ROR1: variants seen among roughly 807,000 people sequenced by gnomAD.
The protein encoded by ROR1 is ROR family WNT receptor 1, also known as inactive tyrosine-protein kinase transmembrane receptor ROR1.
Under a neutral mutation model 78.8 loss-of-function variants are expected in ROR1, and 19 were observed. The observed-to-expected ratio is 0.24, with a 90% CI of 0.17 to 0.35. The LOEUF (loss-of-function observed/expected upper bound fraction) is 0.35. ROR1 is among the 10% of genes least tolerant of loss of function. The probability of loss-of-function intolerance (pLI) is 1.00; values close to 1 mark genes in which losing one functional copy is unlikely to be tolerated. For synonymous variants in ROR1, 386 were observed against 433.6 expected, an observed-to-expected ratio of 0.89 and a Z score of 1.36; for missense variants, 917 against 1,177.8, an observed-to-expected ratio of 0.78 and a Z score of 3.24.
Position 63,774,596 on chromosome 1 carries a change from G to T in ROR1, c.91+88G>T. On this transcript the variant is annotated intron_variant, in intron 1 of 8. Transcript: ENST00000371079. This position sits in a 1 kb window ranked among gnomAD's most constrained non-coding sequence, Gnocchi z 5.7. ...GTCCAGCCGGGCGCGGGACACGCAG[G>T]AAGCGCCGCGCTGGCTCCGGGGCGC... is the stretch of plus-strand genomic sequence containing the variant. 1.4e-6 allele frequency: 1 copy of T among 704,260 alleles called. No homozygotes were observed. The allele number at this position is 704,260 out of a possible 1,614,324, so 43.6% of individuals were successfully genotyped here. A position where few individuals can be genotyped will look rare whatever the true frequency, so the allele number is the denominator to read the frequency against.
At chr1:63,852,711 C>A (rs1645122084) in intron 1 of ROR1, among the ~76,000 whole-genome samples, 1 of 152,208 alleles carries the variant, frequency 6.6e-6, no homozygotes, top group Non-Finnish European at 1.5e-5. Flanking sequence ...ATCATTTTCA[C>A]TGGGAGAGTG....
At chr1:63,851,124 C>T (rs1386590152) in intron 1 of ROR1, among the ~76,000 whole-genome samples, 2 of 152,130 alleles carry the variant, frequency 1.3e-5, no homozygotes, top group African/African-American at 4.8e-5. Context: ...GGACTATAGG[C>T]GTGTGCCACC....
intron 1 of ROR1, among the ~76,000 whole-genome samples, chr1:63,906,443 T>A (rs1242895553): frequency 6.6e-6 from 1 of 152,236 alleles, no homozygotes; most frequent in Non-Finnish European, 1.5e-5. Context: ...TCCAAGAATC[T>A]TGCACAGCTT....
At chr1:64,162,321 C>A (rs1421362089) in intron 8 of ROR1, among the ~76,000 whole-genome samples, 1 of 152,178 alleles carries the variant, frequency 6.6e-6, no homozygotes, top group East Asian at 1.9e-4. Context: ...GAAGAAGAGG[C>A]TCCTGTGGGA....
chr1:63,858,832 T>G (rs1645163427), intron 1 of ROR1, among the ~76,000 whole-genome samples: 1 of 152,312 alleles, frequency 6.6e-6, no homozygotes, highest in East Asian at 1.9e-4. Flanking sequence ...TATCTCCCAC[T>G]ATACTAAGTG....
chr1:64,014,361 C>G (rs1158928012), intron 2 of ROR1, among the ~76,000 whole-genome samples: 4 of 151,978 alleles, frequency 2.6e-5, no homozygotes, highest in Non-Finnish European at 5.9e-5. Flanking sequence ...TTAAAAGAGA[C>G]AAGGCCACCC....
intron 3 of ROR1, 101 bp from the exon 4 acceptor site, chr1:64,050,585 G>T: frequency 9.2e-7 from 1 of 1,091,720 alleles, no homozygotes; most frequent in Non-Finnish European, 1.4e-6. Context: ...ACTACCTCTG[G>T]GTGGTTGAGA....
chr1:63,967,546 T>C (rs1273430547), intron 1 of ROR1, among the ~76,000 whole-genome samples: 2 of 152,130 alleles, frequency 1.3e-5, no homozygotes, highest in Non-Finnish European at 2.9e-5. Flanking sequence ...TTAGGAGTTC[T>C]CCTCCTCTAT....
chr1:63,888,939 T>C (rs1645375721), intron 1 of ROR1, among the ~76,000 whole-genome samples: 1 of 152,142 alleles, frequency 6.6e-6, no homozygotes, highest in African/African-American at 2.4e-5. Context: ...CATTATCTCA[T>C]ATAGTTTCTA....
chr1:64,145,965 T>C lies in ROR1; in HGVS notation c.1174+3315T>C, dbSNP rs553393900. ...CTGTCTGATTCCAAGCTCATCTTCTTGCTACTCTTCTGTGCTACTTCGGGT... is the reference window on the plus strand; with the variant it reads ...CTGTCTGATTCCAAGCTCATCTTCTCGCTACTCTTCTGTGCTACTTCGGGT... On this transcript the variant is annotated intron_variant, in intron 7 of 8. Coordinates refer to ENST00000371079, the MANE Select transcript of ROR1 (RefSeq NM_005012.4). Among the ~76,000 whole-genome samples, 61 of 152,336 alleles carry C rather than the reference T, an allele frequency of 4.0e-4. 1 individual carries two copies. The highest frequency in any genetic ancestry group is 1.4e-3 in the African/African-American group (57 of 41,582).
intron 1 of ROR1, among the ~76,000 whole-genome samples, chr1:63,905,550 C>T (rs939890351): frequency 6.6e-5 from 10 of 152,098 alleles, no homozygotes; most frequent in Admixed American, 5.9e-4. Context: ...TGACATATAG[C>T]ATGCAGAAAC....
intron 1 of ROR1, among the ~76,000 whole-genome samples, chr1:63,909,384 A>C (rs919122337): frequency 6.6e-6 from 1 of 152,208 alleles, no homozygotes; most frequent in Non-Finnish European, 1.5e-5. Flanking sequence ...CTTGAAGAAA[A>C]GTAGTATATT....
intron 1 of ROR1, among the ~76,000 whole-genome samples, chr1:63,844,608 C>G (rs1458540979): frequency 6.6e-6 from 1 of 152,148 alleles, no homozygotes; most frequent in Non-Finnish European, 1.5e-5. Context: ...GGGTGGAAGG[C>G]AGCTAAGTAG....
intron 2 of ROR1, among the ~76,000 whole-genome samples, chr1:64,036,026 G>A (rs1012616388): frequency 1.3e-5 from 2 of 152,164 alleles, no homozygotes; most frequent in African/African-American, 4.8e-5. Context: ...ACACATAGAT[G>A]GATGTTCATA....
chr1:63,869,474 G>T (rs572992180), intron 1 of ROR1, among the ~76,000 whole-genome samples: 1 of 152,074 alleles, frequency 6.6e-6, no homozygotes, highest in African/African-American at 2.4e-5. Flanking sequence ...TTTTTGTCAG[G>T]CCTGCTAAGA....
intron 1 of ROR1, among the ~76,000 whole-genome samples, chr1:63,793,258 A>C (rs567860089): frequency 1.2e-3 from 190 of 152,334 alleles, no homozygotes; most frequent in Non-Finnish European, 1.7e-3. Context: ...CTCATTCTCA[A>C]ATCTGGTGAG....
At chr1:63,887,533 T>A (rs991445334) in intron 1 of ROR1, among the ~76,000 whole-genome samples, 11 of 152,274 alleles carry the variant, frequency 7.2e-5, no homozygotes, top group Admixed American at 3.9e-4. Flanking sequence ...TGTGCTCCTT[T>A]CTAGTCAATT....
chr1:63,859,310 A>G (rs1241328609), intron 1 of ROR1, among the ~76,000 whole-genome samples: 2 of 152,122 alleles, frequency 1.3e-5, no homozygotes, highest in Non-Finnish European at 2.9e-5. Flanking sequence ...CCCCTCTTCT[A>G]TTTTGGGGAC....
chr1:63,827,317 T>A (rs1644960289), intron 1 of ROR1, among the ~76,000 whole-genome samples: 1 of 152,192 alleles, frequency 6.6e-6, no homozygotes, highest in Non-Finnish European at 1.5e-5. Context: ...ATTTTTGCTT[T>A]GTTGCAATTG....
Sources: gnomAD v4.1 joint callset for allele counts (sites outside exome capture counted in the v4.1 genomes callset) on GRCh38, gnomAD v4.1.1 for gene constraint, Gnocchi (gnomAD v3.1) non-coding constraint, MANE v1.5 for transcripts, NCBI Gene and HGNC (gene_info 2026-07-23, HGNC 2026-07-21) for gene names.